The following PKD1L1 variants were observed in gnomAD, a reference collection of about 807,000 sequenced individuals.
PKD1L1 encodes polycystin-1-like protein 1.
In PKD1L1, 236 loss-of-function variants were observed where a neutral mutation model predicts 323.4. That is an observed-to-expected ratio of 0.73 (90% CI 0.66 to 0.81). The LOEUF (loss-of-function observed/expected upper bound fraction) is 0.81, where lower values mean the gene tolerates loss of function less well. Among genes scored for constraint, PKD1L1 ranks in the 40% least tolerant of loss-of-function variants. PKD1L1 has a pLI of 0.00. For synonymous variants in PKD1L1, 1,344 were observed against 1,335.0 expected (o/e 1.01, Z -0.15); for missense variants, 3,320 against 3,508.0 (o/e 0.95, Z 1.35).
chr7:47,777,796 C>T (rs542571947), intron 56 of PKD1L1, among the ~76,000 whole-genome samples: 195 of 152,296 alleles, frequency 1.3e-3, no homozygotes, highest in African/African-American at 4.5e-3. Context: ...GCTCTGTCAT[C>T]TTCAGCACAA....
chr7:47,893,182 A>G (rs1179691289), intron 15 of PKD1L1, among the ~76,000 whole-genome samples: 2 of 145,492 alleles, frequency 1.4e-5, no homozygotes, highest in Non-Finnish European at 3.0e-5. Flanking sequence ...GTGAGCTGAG[A>G]TCGAGCCACT....
intron 6 of PKD1L1, among the ~76,000 whole-genome samples, 154 bp from the exon 7 acceptor site, chr7:47,929,680 G>C (rs770373047): frequency 6.6e-6 from 1 of 152,146 alleles, no homozygotes; most frequent in Non-Finnish European, 1.5e-5. Context: ...CTCAGAGTGG[G>C]GTCCCAGGGC....
chr7:47,818,946 G>A (rs1160633190), intron 46 of PKD1L1, among the ~76,000 whole-genome samples: 1 of 152,086 alleles, frequency 6.6e-6, no homozygotes. Flanking sequence ...TATAGATGAA[G>A]ATGCTAAGTC....
At chr7:47,912,651 A>G (rs1272824330) in intron 8 of PKD1L1, among the ~76,000 whole-genome samples, 1 of 151,858 alleles carries the variant, frequency 6.6e-6, no homozygotes, top group African/African-American at 2.4e-5. Context: ...TGCCATCTCT[A>G]CTAAAAATAC....
chr7:47,896,340 A>G (rs1209901054), intron 14 of PKD1L1, among the ~76,000 whole-genome samples: 1 of 151,468 alleles, frequency 6.6e-6, no homozygotes, highest in Non-Finnish European at 1.5e-5. Flanking sequence ...AAAAAAAAAA[A>G]AAAAAAAAAA....
In PKD1L1 at chr7:47,800,592, A is replaced by G. The variant is rs1784638363; in HGVS notation, c.8193+57T>C. On this transcript the variant is annotated intron_variant, in intron 54 of 56. Coordinates refer to ENST00000289672, the MANE Select transcript of PKD1L1 (RefSeq NM_138295.5). The stretch of plus-strand genomic sequence containing the variant: ...CCACATGGACCAGAGTTTCACCCCA[A>G]CAGCAAATGAAACTTTTACAAACCA... 3.9e-6 allele frequency: 6 copies of G among 1,553,434 alleles called. No individual in the cohort carries two copies. In the Admixed American group the frequency reaches 8.6e-5, roughly 22 times the overall value.
intron 36 of PKD1L1, among the ~76,000 whole-genome samples, chr7:47,838,760 C>T (rs1008632496): frequency 6.6e-6 from 1 of 151,682 alleles, no homozygotes; most frequent in African/African-American, 2.4e-5. Flanking sequence ...TGCCTGTAGT[C>T]CCAGCTACTC....
chr7:47,947,947 A>G (rs1788134843), intron 1 of PKD1L1, among the ~76,000 whole-genome samples: 1 of 152,018 alleles, frequency 6.6e-6, no homozygotes, highest in Non-Finnish European at 1.5e-5. Context: ...GAGCCTGGGC[A>G]ACAGAGAGAG....
chr7:47,927,256 G>GA (rs1177432739), intron 7 of PKD1L1, among the ~76,000 whole-genome samples: 6 of 147,812 alleles, frequency 4.1e-5, no homozygotes, highest in Non-Finnish European at 9.0e-5. Context: ...ATAACAAATT[G>GA]AAAAAAAAAG....
intron 23 of PKD1L1, 76 bp downstream of exon 23, chr7:47,876,021 T>A: frequency 6.6e-7 from 1 of 1,524,256 alleles, no homozygotes; most frequent in Non-Finnish European, 8.9e-7. Context: ...CACAGTTTAG[T>A]TTTTGAAAAC....
rs748675283 is a variant in PKD1L1, at chr7:47,792,715, G to C, written c.8438C>G (p.Pro2813Arg). The C allele has an allele frequency of 3.7e-6, 6 of 1,613,922 alleles. No homozygotes were observed. The highest frequency in any genetic ancestry group is 1.1e-5 in the South Asian group (1 of 91,072). Residue 2813 changes from proline to arginine, a missense_variant, in exon 56 of 57, where the codon CCC becomes CGC. Coordinates refer to ENST00000289672, the MANE Select transcript of PKD1L1 (RefSeq NM_138295.5). ...INGLSDSLQL[P>R]LLEKTSNNTG... is the part of the protein sequence containing the mutation. ...GTTGTTGGATGTTTTTTCCAGAAGG[G>C]GGAGTTGTAGGCTGTCGGACAAACC...
rs555209918 is a variant in PKD1L1 at position 47,933,686 on chromosome 7, T to C, written c.399-1630A>G. The stretch of plus-strand genomic sequence containing the variant: ...AACTCCATCTTAGAAAAAGCCTCCA[T>C]TTCTTTTCATAGAGCACTCTGCCAA... On this transcript the variant is annotated intron_variant, in intron 4 of 56. Transcript: ENST00000289672. Among the ~76,000 whole-genome samples the C allele has an allele frequency of 2.6e-5, 4 of 152,268 alleles. No homozygotes were observed. In the South Asian group the frequency reaches 8.3e-4, roughly 32 times the overall value.
intron 13 of PKD1L1, among the ~76,000 whole-genome samples, chr7:47,902,016 A>G (rs1344608106): frequency 6.6e-6 from 1 of 151,074 alleles, no homozygotes; most frequent in Admixed American, 6.6e-5. Flanking sequence ...TAATCCAAAA[A>G]AAGAAAGGAA....
Position 47,866,454 on chromosome 7 carries a change from T to C in PKD1L1, c.4057A>G (p.Ile1353Val). Reference sequence around the variant, plus strand: ...AAAGCCAATCTGCATACTGAAGAAATTAATGCATCCTGTATTCGTGACCAT... The same window carrying C: ...AAAGCCAATCTGCATACTGAAGAAACTAATGCATCCTGTATTCGTGACCAT... ...NQWSRIQDAL[I>V]SSVCRLAFVD... is the part of the protein sequence containing the mutation. The change falls in exon 25 of 57, where the codon ATT becomes GTT. Residue 1353 changes from isoleucine (I) to valine (V), a missense_variant. Coordinates refer to ENST00000289672, the MANE Select transcript of PKD1L1 (RefSeq NM_138295.5). 6.2e-7 allele frequency: 1 copy of C among 1,613,696 alleles called. No individual in the cohort carries two copies.
At chr7:47,913,679 G>A (rs1267952281) in intron 8 of PKD1L1, among the ~76,000 whole-genome samples, 1 of 152,178 alleles carries the variant, frequency 6.6e-6, no homozygotes, top group East Asian at 1.9e-4. Flanking sequence ...GTTTCCTGAG[G>A]CTTCCCCGGA....
intron 7 of PKD1L1, among the ~76,000 whole-genome samples, chr7:47,916,591 CACCCCAA>C (rs1787433201): frequency 6.6e-6 from 1 of 152,184 alleles, no homozygotes; most frequent in Admixed American, 6.5e-5. Flanking sequence ...ACCCAGGAGA[CACCCCAA>C]ATACTGTGCT....
intron 28 of PKD1L1, among the ~76,000 whole-genome samples, chr7:47,856,743 T>C (rs900004347): frequency 6.6e-6 from 1 of 152,236 alleles, no homozygotes; most frequent in Admixed American, 6.5e-5. Context: ...TTTGAATTAT[T>C]TTCCTATGCT....
rs200479246 is a variant in PKD1L1, at chr7:47,936,905, T to C, written c.339A>G (p.Thr113=). ...EAALSVVNEK[T]QAVVNEKTQA... ...GTGTTTTTTCATTAACAACAGCCTG[T>C]GTTTTTTCATTAACAACACTTAACG... is the stretch of plus-strand genomic sequence containing the variant. The change falls in exon 4 of 57, where the codon ACA becomes ACG. Residue 113 remains threonine (T), a synonymous_variant. Coordinates refer to ENST00000289672, the MANE Select transcript of PKD1L1 (RefSeq NM_138295.5). The C allele has an allele frequency of 6.1e-5, 98 of 1,613,944 alleles. 1 individual carries two copies. Among genetic ancestry groups the C allele is most frequent in the Non-Finnish European group, 8.5e-7 (1 of 1,179,996 alleles).
At chr7:47,787,039 T>C (rs182521199) in intron 56 of PKD1L1, among the ~76,000 whole-genome samples, 216 of 151,664 alleles carry the variant, frequency 1.4e-3, no homozygotes, top group African/African-American at 5.0e-3. Context: ...TTTATAAAGA[T>C]ACAAATCTTA....
Sources: gnomAD v4.1 joint callset for allele counts (sites outside exome capture counted in the v4.1 genomes callset) on GRCh38, gnomAD v4.1.1 for gene constraint, MANE v1.5 for transcripts, NCBI Gene and HGNC (gene_info 2026-07-23, HGNC 2026-07-21) for gene names.